The following C14orf39 variants were observed in gnomAD, a reference collection of about 807,000 sequenced individuals.
C14orf39 encodes protein SIX6OS1.
A neutral mutation model predicts 85.6 loss-of-function variants in C14orf39; 66 were observed. The ratio of observed to expected loss-of-function variants is 0.77; its 90% CI spans 0.63 to 0.95. The LOEUF (loss-of-function observed/expected upper bound fraction) is 0.95, where lower values mean the gene tolerates loss of function less well. Among genes scored for constraint, C14orf39 ranks in the 40% least tolerant of loss-of-function variants. C14orf39 has a pLI of 0.00. For missense variants in C14orf39, 735 were observed against 663.9 expected (o/e 1.11, Z -1.18); for synonymous variants, 242 against 214.0 (o/e 1.13, Z -1.14).
At chr14:60,465,506 G>A (rs1256657740) in intron 11 of C14orf39, among the ~76,000 whole-genome samples, 1 of 152,066 alleles carries the variant, frequency 6.6e-6, no homozygotes, top group African/African-American at 2.4e-5. Flanking sequence ...CAAAGATACA[G>A]TGGATATAAG....
In C14orf39 at chr14:60,435,968, C is replaced by G. The variant is rs991974526; in HGVS notation, c.*877G>C. ...TCACATCAAAATATGGAGTCAAACC[C>G]TTTATTACTTGGTAACTCAGTACAG... is the stretch of plus-strand genomic sequence containing the variant. On this transcript the variant is annotated 3_prime_UTR_variant, in exon 18 of 18. Transcript: ENST00000321731. 2 of 152,078 alleles carry G rather than the reference C, an allele frequency of 1.3e-5. No homozygotes were observed. Among genetic ancestry groups the G allele is most frequent in the African/African-American group, 4.8e-5 (2 of 41,416 alleles). 9.4% of individuals were successfully genotyped at this position (152,078 alleles called of 1,614,324 possible). A position where few individuals can be genotyped will look rare whatever the true frequency, so the allele number is the denominator to read the frequency against.
At chr14:60,502,188 GA>G (rs1428876664) in intron 1 of C14orf39, among the ~76,000 whole-genome samples, 2 of 152,130 alleles carry the variant, frequency 1.3e-5, no homozygotes, top group Non-Finnish European at 2.9e-5. Context: ...TCTACCTTCA[GA>G]AATTGAGTAT....
At chr14:60,466,812 T>A in intron 10 of C14orf39, 105 bp downstream of exon 10, 1 of 834,818 alleles carries the variant, frequency 1.2e-6, no homozygotes, top group Non-Finnish European at 1.7e-6. Flanking sequence ...AGGTCTCCAG[T>A]ATTGTTTTTA....
At chr14:60,469,076 T>A (rs569173165) in intron 8 of C14orf39, among the ~76,000 whole-genome samples, 1 of 151,482 alleles carries the variant, frequency 6.6e-6, no homozygotes, top group African/African-American at 2.4e-5. Context: ...CAAGAAAAGT[T>A]TAAAGGCTAA....
In C14orf39 at chr14:60,456,926, G is replaced by A. The variant is rs778017059; in HGVS notation, c.1349C>T (p.Pro450Leu). 18 of 1,542,812 alleles carry A rather than the reference G, an allele frequency of 1.2e-5. No individual in the cohort carries two copies. The highest frequency in any genetic ancestry group is 1.7e-4 in the Middle Eastern group (1 of 5,774). Residue 450 changes from proline to leucine, a missense_variant, in exon 15 of 18, where the codon CCG (proline) becomes CTG (leucine). Pro to Leu is a moderately conservative substitution (Grantham distance 98). Transcript: ENST00000321731. Reference sequence around the variant, plus strand: ...TTAATTAAAATCCTACATTTCGAACGGGGGGGTTTTAGGGAATTTTATTTT... The same window carrying A: ...TTAATTAAAATCCTACATTTCGAACAGGGGGGTTTTAGGGAATTTTATTTT... ...LEKIKFPKTP[P>L]FEINRNRNAV...
intron 16 of C14orf39, among the ~76,000 whole-genome samples, chr14:60,443,099 G>A (rs986344779): frequency 3.3e-5 from 5 of 152,060 alleles, no homozygotes; most frequent in South Asian, 2.1e-4. Context: ...AGCTCCCAGC[G>A]AGATCTACAC....
intron 13 of C14orf39, 51 bp downstream of exon 13, chr14:60,461,303 A>T: frequency 4.8e-6 from 7 of 1,468,570 alleles, no homozygotes; most frequent in Non-Finnish European, 6.6e-6. Context: ...TAAAAACCTG[A>T]TATAATTTGT....
At chr14:60,446,869 T>A (rs1043122535) in intron 16 of C14orf39, among the ~76,000 whole-genome samples, 1 of 152,152 alleles carries the variant, frequency 6.6e-6, no homozygotes, top group Non-Finnish European at 1.5e-5. Flanking sequence ...GTTGGCTTCA[T>A]CCCTAGGATG....
intron 1 of C14orf39, among the ~76,000 whole-genome samples, chr14:60,508,744 T>C (rs976131779): frequency 6.6e-6 from 1 of 152,206 alleles, no homozygotes; most frequent in Non-Finnish European, 1.5e-5. Context: ...CAACTAAACT[T>C]GCGAATTCTC....
intron 5 of C14orf39, among the ~76,000 whole-genome samples, chr14:60,474,168 T>G (rs189144015): frequency 6.6e-6 from 1 of 152,178 alleles, no homozygotes; most frequent in Non-Finnish European, 1.5e-5. Context: ...TTGAAGCAAT[T>G]GTGAATGGGA....
At position 60,509,553 on chromosome 14, in the gene C14orf39, C is replaced by G; in HGVS notation, c.-144+5842G>C. On this transcript the variant is annotated intron_variant, in intron 1 of 5. Coordinates refer to the C14orf39 transcript ENST00000556799. ...TGCGAGGCCCTCAACAAGAATGAGT[C>G]GGTGCTACGCGCACGAGCCATCGTG... 1 of 1,611,268 alleles carries G rather than the reference C, an allele frequency of 6.2e-7. No homozygotes were observed. The highest frequency in any genetic ancestry group is 8.5e-7 in the Non-Finnish European group (1 of 1,180,020).
At chr14:60,509,521 T>TG in intron 1 of C14orf39, 1 of 1,607,078 alleles carries the variant, frequency 6.2e-7, no homozygotes, top group Non-Finnish European at 8.5e-7. Context: ...CCGTGGCCCC[T>TG]GCGGCCTGCG....
intron 11 of C14orf39, among the ~76,000 whole-genome samples, chr14:60,463,665 T>A (rs1381159804): frequency 1.3e-5 from 2 of 152,140 alleles, no homozygotes; most frequent in African/African-American, 4.8e-5. Context: ...GATCCCCCTC[T>A]TTATCTTGCT....
At chr14:60,473,674 T>G (rs144039268) in intron 5 of C14orf39, among the ~76,000 whole-genome samples, 6,819 of 152,210 alleles carry the variant, frequency 0.045, 237 homozygotes, top group South Asian at 0.12. Flanking sequence ...TTTCCCCATT[T>G]CTTGTTTTTG....
At chr14:60,479,010 T>G (rs1342845153) in intron 4 of C14orf39, among the ~76,000 whole-genome samples, 1 of 152,106 alleles carries the variant, frequency 6.6e-6, no homozygotes, top group South Asian at 2.1e-4. Context: ...CGGCTTCCAG[T>G]GTAAGTATTT....
rs1056822537 is a variant in C14orf39 at position 60,436,607 on chromosome 14, A to C, written c.*238T>G. The C allele has an allele frequency of 3.4e-6, 1 of 297,394 alleles. No homozygotes were observed. The highest frequency in any genetic ancestry group is 6.1e-6 in the Non-Finnish European group (1 of 164,352). The allele number at this position is 297,394 out of a possible 1,614,324, so 18.4% of individuals were successfully genotyped here. A position where few individuals can be genotyped will look rare whatever the true frequency, so the allele number is the denominator to read the frequency against. ...CATCAAATTCTATTAAGATTAATAAAAGTTCTACCTGACCACGGCTCGCAA... is the reference window on the plus strand; with the variant it reads ...CATCAAATTCTATTAAGATTAATAACAGTTCTACCTGACCACGGCTCGCAA... On this transcript the variant is annotated 3_prime_UTR_variant, in exon 18 of 18. Transcript: ENST00000321731.
At chr14:60,480,884 T>C (rs1017165515) in intron 4 of C14orf39, among the ~76,000 whole-genome samples, 5 of 152,284 alleles carry the variant, frequency 3.3e-5, no homozygotes, top group African/African-American at 4.8e-5. Context: ...ATCTCAGTTA[T>C]ATGTAGTATC....
chr14:60,483,364 C>G (rs1000397921), intron 4 of C14orf39, among the ~76,000 whole-genome samples: 1 of 151,928 alleles, frequency 6.6e-6, no homozygotes, highest in African/African-American at 2.4e-5. Flanking sequence ...AACTTCAGGC[C>G]GTATTCCCTC....
At position 60,437,042 on chromosome 14, in the gene C14orf39, A is replaced by C; in HGVS notation, c.1567T>G (p.Leu523Val). The C allele has an allele frequency of 1.9e-6, 3 of 1,596,064 alleles. No homozygotes were observed. Among genetic ancestry groups the C allele is most frequent in the Non-Finnish European group, 2.6e-6 (3 of 1,172,568 alleles). ...TCTTCTCCTTCTGGCTTCTCAAGTAAGTTTCCTAAGGAAGATAAACATTAC... is the reference window on the plus strand; with the variant it reads ...TCTTCTCCTTCTGGCTTCTCAAGTACGTTTCCTAAGGAAGATAAACATTAC... ...PLSSEQEIGN[L>V]LEKPEGEDGF... Residue 523 changes from leucine (L) to valine (V), a missense_variant, in exon 18 of 18, where the codon TTA becomes GTA. Coordinates refer to ENST00000321731, the MANE Select transcript of C14orf39 (RefSeq NM_174978.3).
Sources: gnomAD v4.1 joint callset for allele counts (sites outside exome capture counted in the v4.1 genomes callset) on GRCh38, gnomAD v4.1.1 for gene constraint, MANE v1.5 for transcripts, NCBI Gene and HGNC (gene_info 2026-07-23, HGNC 2026-07-21) for gene names.